The following MRAP variants were observed in gnomAD, a reference collection of about 807,000 sequenced individuals.
MRAP encodes the protein melanocortin-2 receptor accessory protein.
A neutral mutation model predicts 8.7 loss-of-function variants in MRAP; 8 were observed. The ratio of observed to expected loss-of-function variants is 0.92; its 90% CI spans 0.54 to 1.66. The LOEUF (loss-of-function observed/expected upper bound fraction) is 1.66. Among genes scored for constraint, MRAP ranks in the 40% most tolerant of loss-of-function variants. The pLI, the probability that MRAP is intolerant of heterozygous loss-of-function variation, is 0.00. For synonymous variants in MRAP, 95 were observed against 95.5 expected, an observed-to-expected ratio of 1.00 and a Z score of 0.03; for missense variants, 237 against 217.1, an observed-to-expected ratio of 1.09 and a Z score of -0.58.
At chr21:32,293,652 A>G (rs537259280) in intron 2 of MRAP, among the ~76,000 whole-genome samples, 11 of 152,280 alleles carry the variant, frequency 7.2e-5, no homozygotes, top group Non-Finnish European at 1.0e-4. Flanking sequence ...CTCCACACTC[A>G]ATCTGTAGTT....
chr21:32,311,851 A>C lies in MRAP; in HGVS notation c.374A>C (p.Gln125Pro). ...SRTGPDQPLR[Q>P]ESSSTLPLGG... ...ACTGGCCCTGACCAGCCGCTACGAC[A>C]GGAGAGCTCCTCCACCTTGCCCCTC... is the stretch of plus-strand genomic sequence containing the variant. The change falls in exon 3 of 3, where the codon CAG (glutamine) becomes CCG (proline). Residue 125 changes from glutamine to proline, a missense_variant. Coordinates refer to ENST00000303645, the MANE Select transcript of MRAP (RefSeq NM_001379228.1). 3 of 1,614,140 alleles carry C rather than the reference A, an allele frequency of 1.9e-6. No homozygotes were observed. The highest frequency in any genetic ancestry group is 2.2e-5 in the East Asian group (1 of 44,868).
downstream of MRAP, chr21:32,312,408 C>A: frequency 1.1e-6 from 1 of 944,198 alleles, no homozygotes; most frequent in Non-Finnish European, 1.4e-6. Context: ...AGTTCCCATC[C>A]AAGCTCCACT....
chr21:32,306,563 T>C, intron 1 of MRAP, 77 bp from the exon 2 acceptor site: 1 of 1,204,328 alleles, frequency 8.3e-7, no homozygotes, highest in South Asian at 1.2e-5. Context: ...CACAATACCC[T>C]GGGACTCCTT....
chr21:32,299,727 G>T (rs2032214414), intron 1 of MRAP, among the ~76,000 whole-genome samples: 1 of 152,192 alleles, frequency 6.6e-6, no homozygotes, highest in Non-Finnish European at 1.5e-5. Flanking sequence ...CTTTTCCACT[G>T]TCTGTATTTA....
exon 2 of MRAP, chr21:32,293,081 T>A (rs979259442): frequency 6.6e-6 from 1 of 152,108 alleles, no homozygotes; most frequent in African/African-American, 2.4e-5. Flanking sequence ...ACTGTCCTTA[T>A]AAGAAGAGGA....
intron 1 of MRAP, among the ~76,000 whole-genome samples, chr21:32,299,621 G>A (rs368205300): frequency 2.0e-5 from 3 of 152,136 alleles, no homozygotes; most frequent in Admixed American, 6.5e-5. Flanking sequence ...GTGAGCCACC[G>A]TGCCTGGCGA....
intron 2 of MRAP, among the ~76,000 whole-genome samples, chr21:32,308,148 G>A (rs368812975): frequency 4.6e-5 from 7 of 152,112 alleles, no homozygotes; most frequent in Non-Finnish European, 5.9e-5. Flanking sequence ...CAAGGTGGGC[G>A]GATCACCTGA....
chr21:32,305,230 T>A (rs558622909), intron 1 of MRAP, among the ~76,000 whole-genome samples: 2 of 152,284 alleles, frequency 1.3e-5, no homozygotes, highest in East Asian at 3.9e-4. Flanking sequence ...CACCTTGGCC[T>A]CCCAAAGTGT....
chr21:32,292,160 C>A, intron 1 of MRAP, among the ~76,000 whole-genome samples: 1 of 149,980 alleles, frequency 6.7e-6, no homozygotes, highest in Non-Finnish European at 1.5e-5. Context: ...AAAAAAAAAG[C>A]CCTCCTGCAG....
chr21:32,297,309 T>A (rs1434052244), upstream of MRAP, among the ~76,000 whole-genome samples: 1 of 152,156 alleles, frequency 6.6e-6, no homozygotes, highest in Non-Finnish European at 1.5e-5. Flanking sequence ...AGGCTGGGGA[T>A]TGAGTTCATT....
chr21:32,305,617 G>A (rs1480845694), intron 1 of MRAP, among the ~76,000 whole-genome samples: 1 of 152,176 alleles, frequency 6.6e-6, no homozygotes, highest in African/African-American at 2.4e-5. Flanking sequence ...TCTGAATCCT[G>A]AACAGTCCCT....
intron 2 of MRAP, among the ~76,000 whole-genome samples, chr21:32,307,382 G>C (rs1000499054): frequency 6.6e-6 from 1 of 152,208 alleles, no homozygotes; most frequent in South Asian, 2.1e-4. Flanking sequence ...CAAGTTACCA[G>C]CCTAGCCAAC....
downstream of MRAP, chr21:32,314,299 C>T (rs2032642617): frequency 4.9e-6 from 2 of 407,126 alleles, no homozygotes; most frequent in Admixed American, 3.5e-5. Context: ...ATTCCCCTGC[C>T]TTAGCCTCCC....
downstream of MRAP, chr21:32,314,326 A>G: frequency 2.3e-6 from 1 of 443,350 alleles, no homozygotes; most frequent in Non-Finnish European, 4.2e-6. Context: ...CTGGAATTAC[A>G]GGTGTGCGCT....
intron 1 of MRAP, among the ~76,000 whole-genome samples, chr21:32,300,445 TG>T (rs1209628448): frequency 6.6e-6 from 1 of 151,576 alleles, no homozygotes; most frequent in Non-Finnish European, 1.5e-5. Flanking sequence ...ATGCGTCCTA[TG>T]TCAGATGTTT....
At position 32,311,928 on chromosome 21, in the gene MRAP, G is replaced by A. The variant is rs773835535; in HGVS notation, c.451G>A (p.Gly151Ser). The A allele has an allele frequency of 1.9e-6, 3 of 1,613,720 alleles. No individual in the cohort carries two copies. The East Asian group carries it at 6.7e-5, about 36-fold the overall frequency. The change falls in exon 3 of 3, where the codon GGT (glycine) becomes AGT (serine). Residue 151 changes from glycine (G) to serine (S), a missense_variant. Transcript: ENST00000303645. ...TLLWELTLNGGPLVRSKPSEP... is the reference protein window; with the variant it reads ...TLLWELTLNGSPLVRSKPSEP... ...CCTCTGGGAACTGACCCTCAATGGGGGTCCCCTCGTCAGGAGCAAGCCCAG... is the reference window on the plus strand; with the variant it reads ...CCTCTGGGAACTGACCCTCAATGGGAGTCCCCTCGTCAGGAGCAAGCCCAG...
At chr21:32,297,535 C>T (rs370506828), upstream of MRAP, among the ~76,000 whole-genome samples, 1 of 152,194 alleles carries the variant, frequency 6.6e-6, no homozygotes, top group African/African-American at 2.4e-5. Flanking sequence ...CCATGTGTCT[C>T]TTCCACGTGG....
intron 1 of MRAP, among the ~76,000 whole-genome samples, chr21:32,299,688 G>A (rs2032213571): frequency 1.3e-5 from 2 of 152,240 alleles, no homozygotes; most frequent in South Asian, 4.2e-4. Context: ...CCAATAAGCT[G>A]AGCGAGTTTC....
chr21:32,314,655 G>A (rs372382640), downstream of MRAP: 16 of 1,613,768 alleles, frequency 9.9e-6, no homozygotes, highest in South Asian at 1.1e-4. Context: ...GCGGCCTGAC[G>A]AGGCACTGGA....
Sources: gnomAD v4.1 joint callset for allele counts (sites outside exome capture counted in the v4.1 genomes callset) on GRCh38, gnomAD v4.1.1 for gene constraint, MANE v1.5 for transcripts, NCBI Gene and HGNC (gene_info 2026-07-23, HGNC 2026-07-21) for gene names.